The following COL5A2 variants were observed in gnomAD, a reference collection of about 807,000 sequenced individuals.
COL5A2 encodes collagen alpha-2(V) chain.
A neutral mutation model predicts 208.2 loss-of-function variants in COL5A2; 23 were observed. That is an observed-to-expected ratio of 0.11 (90% confidence interval 0.08 to 0.16). The LOEUF (loss-of-function observed/expected upper bound fraction) is 0.16. Among genes scored for constraint, COL5A2 ranks in the 10% least tolerant of loss-of-function variants. The pLI is 1.00. For missense variants in COL5A2, 1,590 were observed against 1,956.4 expected (o/e 0.81, Z 3.53); for synonymous variants, 625 against 628.5 (o/e 0.99, Z 0.08).
chr2:189,094,452 T>G (rs1359981149), intron 6 of COL5A2, among the ~76,000 whole-genome samples: 1 of 151,588 alleles, frequency 6.6e-6, no homozygotes, highest in East Asian at 2.0e-4. Flanking sequence ...ACCTCCGCAG[T>G]AATCTACAAT....
chr2:189,061,984 GAATT>G (rs1357029311), intron 29 of COL5A2, among the ~76,000 whole-genome samples: 2 of 151,940 alleles, frequency 1.3e-5, no homozygotes, highest in Non-Finnish European at 2.9e-5. Flanking sequence ...AATGTCTTAA[GAATT>G]ATTTATCAAG....
In COL5A2 at chr2:189,088,677, A is replaced by C; in HGVS notation, c.645+18T>G. 6.3e-7 allele frequency: 1 copy of C among 1,593,460 alleles called. No homozygotes were observed. The highest frequency in any genetic ancestry group is 1.7e-5 in the Admixed American group (1 of 59,998). ...TTTTCACTGAAGTACTTCAATGATC[A>C]GTAAAATTTATGCTTACCACAGAGC... is the stretch of plus-strand genomic sequence containing the variant. On this transcript the variant is annotated intron_variant, in intron 8 of 53. Transcript: ENST00000374866.
chr2:189,420,394 G>C, the COL5A2 span, among the ~76,000 whole-genome samples: 1 of 152,084 alleles, frequency 6.6e-6, no homozygotes, highest in Admixed American at 6.5e-5. Flanking sequence ...CAGTATTTTG[G>C]AGAGCCAATT....
At chr2:189,434,331 G>A in the COL5A2 span, among the ~76,000 whole-genome samples, 1 of 152,138 alleles carries the variant, frequency 6.6e-6, no homozygotes, top group Non-Finnish European at 1.5e-5. Flanking sequence ...TCTGGCCAGG[G>A]TAATCAGGCA....
rs745755192 is a variant in COL5A2 at position 189,041,551 on chromosome 2, T to C, written c.3633+35A>G. The stretch of plus-strand genomic sequence containing the variant: ...GACGGAATCTGAGCTATTGAATAAA[T>C]AGCATTTCTTGCATGTAAACCTTTG... On this transcript the variant is annotated intron_variant, in intron 50 of 53. Coordinates refer to ENST00000374866, the MANE Select transcript of COL5A2 (RefSeq NM_000393.5). 5.7e-5 allele frequency: 83 copies of C among 1,468,540 alleles called. 1 individual carries two copies. The highest frequency in any genetic ancestry group is 4.7e-5 in the Non-Finnish European group (49 of 1,047,270). The allele number at this position is 1,468,540 out of a possible 1,614,324, so 91.0% of individuals were successfully genotyped here.
At chr2:189,048,288 CTACTT>C in intron 44 of COL5A2, 26 bp from the exon 45 acceptor site, 2 of 1,606,468 alleles carry the variant, frequency 1.2e-6, no homozygotes, top group Non-Finnish European at 1.7e-6. Context: ...GTTTGAAAAA[CTACTT>C]AACTGAGTAA....
At chr2:189,190,989 A>G (rs914069604) in intron 1 of COL5A2, among the ~76,000 whole-genome samples, 2 of 152,146 alleles carry the variant, frequency 1.3e-5, no homozygotes, top group African/African-American at 2.4e-5. Flanking sequence ...ACAAACACAC[A>G]GAACAATAAT....
At chr2:189,283,196 G>A in the COL5A2 span, among the ~76,000 whole-genome samples, 56 of 151,362 alleles carry the variant, frequency 3.7e-4, no homozygotes, top group South Asian at 2.9e-3. Context: ...AAGGAAAGAG[G>A]AAGAAAGGGA....
chr2:189,409,274 T>C, the COL5A2 span, among the ~76,000 whole-genome samples: 2 of 141,888 alleles, frequency 1.4e-5, no homozygotes, highest in African/African-American at 2.5e-5. Context: ...TACAGTCGCA[T>C]GATCATAGCT....
the COL5A2 span, among the ~76,000 whole-genome samples, chr2:189,304,772 T>A: frequency 1.3e-5 from 2 of 152,216 alleles, no homozygotes; most frequent in Admixed American, 1.3e-4. Flanking sequence ...TTTCTATATG[T>A]AATAGGAGGT....
chr2:189,284,670 GTATTGACT>G, the COL5A2 span, among the ~76,000 whole-genome samples: 1 of 152,056 alleles, frequency 6.6e-6, no homozygotes. Flanking sequence ...ATATCACCAA[GTATTGACT>G]AATTGACTAA....
intron 12 of COL5A2, among the ~76,000 whole-genome samples, chr2:189,082,126 T>A (rs1336419852): frequency 3.3e-5 from 5 of 152,206 alleles, no homozygotes; most frequent in African/African-American, 1.2e-4. Flanking sequence ...CTCATAGCAC[T>A]TTAACCTTTC....
chr2:189,104,922 AT>A (rs993297656), intron 2 of COL5A2, among the ~76,000 whole-genome samples: 10 of 151,514 alleles, frequency 6.6e-5, no homozygotes, highest in South Asian at 2.1e-4. Flanking sequence ...GTTTTTCTTA[AT>A]TTTTTTATAA....
chr2:189,113,433 AC>A (rs1687322146), intron 1 of COL5A2, among the ~76,000 whole-genome samples: 1 of 152,080 alleles, frequency 6.6e-6, no homozygotes, highest in African/African-American at 2.4e-5. Flanking sequence ...ACCTGGACTC[AC>A]AAAAAGAAAA....
At chr2:189,091,064 A>G (rs998361642) in intron 7 of COL5A2, among the ~76,000 whole-genome samples, 9 of 152,246 alleles carry the variant, frequency 5.9e-5, no homozygotes, top group Non-Finnish European at 1.3e-4. Context: ...TCTAGGTGCC[A>G]TTAAGAACAT....
chr2:189,111,863 CT>C (rs374979665), intron 1 of COL5A2, among the ~76,000 whole-genome samples: 57 of 145,506 alleles, frequency 3.9e-4, no homozygotes, highest in Non-Finnish European at 3.9e-4. Flanking sequence ...TATTTCTTTT[CT>C]TTTTTTTTTT....
intron 41 of COL5A2, among the ~76,000 whole-genome samples, 193 bp downstream of exon 41, chr2:189,051,979 T>A (rs540909220): frequency 6.6e-6 from 1 of 152,234 alleles, no homozygotes; most frequent in South Asian, 2.1e-4. Flanking sequence ...GCAAATTAGC[T>A]CCTCCAAGAA....
At chr2:189,042,879 T>C in intron 48 of COL5A2, 106 bp from the exon 49 acceptor site, 1 of 1,091,106 alleles carries the variant, frequency 9.2e-7, no homozygotes, top group Non-Finnish European at 1.4e-6. Flanking sequence ...ACTACTTTGA[T>C]AAAGTCACCA....
At chr2:189,185,288 G>A (rs576158806) in intron 1 of COL5A2, among the ~76,000 whole-genome samples, 91 of 152,304 alleles carry the variant, frequency 6.0e-4, no homozygotes, top group African/African-American at 2.1e-3. Flanking sequence ...CTCCCAAAGT[G>A]CTGGGATTAC....
Sources: allele counts gnomAD v4.1 joint callset (sites outside exome capture counted in the v4.1 genomes callset), GRCh38; gene constraint gnomAD v4.1.1; transcripts MANE v1.5; gene names NCBI Gene and HGNC (gene_info 2026-07-23, HGNC 2026-07-21).